ADGRV1: variants seen among roughly 807,000 people sequenced by gnomAD.
The protein encoded by ADGRV1 is adhesion G protein-coupled receptor V1.
ADGRV1 carries 359 observed loss-of-function variants against 596.2 expected under a neutral mutation model. The ratio of observed to expected loss-of-function variants is 0.60; its 90% CI spans 0.55 to 0.66. ADGRV1 has a LOEUF of 0.66. Ranked by LOEUF, ADGRV1 falls within the 30% of genes least tolerant of loss-of-function variation. ADGRV1 has a pLI of 0.00. For synonymous variants in ADGRV1, 2,681 were observed against 2,679.2 expected (o/e 1.00, Z -0.02); for missense variants, 7,274 against 7,575.6 (o/e 0.96, Z 1.48).
intron 83 of ADGRV1, among the ~76,000 whole-genome samples, chr5:90,961,912 A>ATTG (rs1393545578): frequency 6.6e-6 from 1 of 152,128 alleles, no homozygotes; most frequent in Non-Finnish European, 1.5e-5. Flanking sequence ...ATTATATTTG[A>ATTG]TTGTCATTAT....
chr5:90,672,365 T>C (rs1261626274), intron 21 of ADGRV1, among the ~76,000 whole-genome samples, 181 bp from the exon 22 acceptor site: 1 of 152,234 alleles, frequency 6.6e-6, no homozygotes, highest in Non-Finnish European at 1.5e-5. Flanking sequence ...AATGAATGAT[T>C]GTAAATATTT....
chr5:90,613,542 A>T (rs1480487065), intron 1 of ADGRV1, among the ~76,000 whole-genome samples: 1 of 152,086 alleles, frequency 6.6e-6, no homozygotes, highest in African/African-American at 2.4e-5. Context: ...ACTCTTCTTC[A>T]GATTTCATTG....
Position 91,098,127 on chromosome 5 carries a change from A to G in ADGRV1, c.18311-4092A>G, listed in dbSNP as rs933186196. 1.8e-4 allele frequency among the ~76,000 whole-genome samples: 27 copies of G among 152,238 alleles called. 1 individual carries two copies. Among genetic ancestry groups the G allele is most frequent in the African/African-American group, 6.5e-4 (27 of 41,468 alleles). On this transcript the variant is annotated intron_variant, in intron 86 of 89. Coordinates refer to ENST00000405460, the MANE Select transcript of ADGRV1 (RefSeq NM_032119.4). Reference sequence around the variant, plus strand: ...TGCTTTCTTTGGTAAATATTGAATTATAGACAGCAGAGAAGTTATTAGTAG... The same window carrying G: ...TGCTTTCTTTGGTAAATATTGAATTGTAGACAGCAGAGAAGTTATTAGTAG...
At chr5:90,690,685 C>G in intron 30 of ADGRV1, 112 bp from the exon 31 acceptor site, 1 of 1,084,108 alleles carries the variant, frequency 9.2e-7, no homozygotes, top group African/African-American at 1.6e-5. Context: ...TGGGTTATAG[C>G]TACTTAGATT....
chr5:90,825,118 G>A (rs34386817), intron 76 of ADGRV1, among the ~76,000 whole-genome samples: 5,200 of 152,136 alleles, frequency 0.034, 140 homozygotes, highest in Non-Finnish European at 0.055. Context: ...TGTATTTTTA[G>A]TAGAGACGGG....
intron 86 of ADGRV1, among the ~76,000 whole-genome samples, chr5:91,090,035 CTAAGAACTTGTTTTCA>C (rs935430606): frequency 2.0e-5 from 3 of 152,180 alleles, no homozygotes; most frequent in African/African-American, 7.2e-5. Flanking sequence ...CTCTAATCTT[CTAAGAACTTGTTTTCA>C]TAATTCCACC....
rs190820592 is a variant in ADGRV1, at chr5:90,938,535, G to A, written c.17857-26880G>A. On this transcript the variant is annotated intron_variant, in intron 83 of 89. Coordinates refer to ENST00000405460, the MANE Select transcript of ADGRV1 (RefSeq NM_032119.4). ...GTGAATACTTGTATGAAAGCTTTCT[G>A]TGATCTAGTCTGGATATGATGGTGC... Among the ~76,000 whole-genome samples the A allele has an allele frequency of 1.2e-4, 18 of 152,282 alleles. No individual in the cohort carries two copies. In the East Asian group the frequency reaches 3.3e-3, roughly 28 times the overall value.
Position 90,653,455 on chromosome 5 carries a change from C to T in ADGRV1, c.3881C>T (p.Ala1294Val). 6.2e-7 allele frequency: 1 copy of T among 1,613,932 alleles called. No homozygotes were observed. The highest frequency in any genetic ancestry group is 8.5e-7 in the Non-Finnish European group (1 of 1,179,886). ...GAAATACTGTCCAGTGAGTTCCCTG[C>T]TGGTTTGCCACCAATGATAGATTTT... ...GWEILSSEFPAGLPPMIDFLL... is the reference protein window; with the variant it reads ...GWEILSSEFPVGLPPMIDFLL... The change falls in exon 20 of 90, where the codon GCT (alanine) becomes GTT (valine). Residue 1294 changes from alanine (A) to valine (V), a missense_variant. Physicochemically the swap from Ala to Val is moderately conservative, Grantham distance 64. Transcript: ENST00000405460.
chr5:91,058,664 A>G (rs988672880), intron 85 of ADGRV1, among the ~76,000 whole-genome samples: 2 of 152,096 alleles, frequency 1.3e-5, no homozygotes, highest in Admixed American at 1.3e-4. Flanking sequence ...CTTCCTTATT[A>G]CGTGCCTCTT....
At chr5:90,790,791 A>T in intron 69 of ADGRV1, 82 bp from the exon 70 acceptor site, 5 of 879,662 alleles carry the variant, frequency 5.7e-6, no homozygotes, top group Non-Finnish European at 6.9e-6. Context: ...TTTGTATATT[A>T]TAGAGAAAAA....
rs143218163 is a variant in ADGRV1, at chr5:90,733,913, C to G, written c.10549+4149C>G. Among the ~76,000 whole-genome samples the G allele has an allele frequency of 7.8e-3, 1,192 of 152,238 alleles. 12 individuals carry two copies. The highest frequency in any genetic ancestry group is 0.011 in the Non-Finnish European group (754 of 67,990). On this transcript the variant is annotated intron_variant, in intron 50 of 89. Transcript: ENST00000405460. ...GCCAAAATTTTGTACCTTTTGACCA[C>G]CAACTTCCCATTCTCTTGCTCTTCC...
intron 59 of ADGRV1, among the ~76,000 whole-genome samples, chr5:90,767,113 G>A (rs1167829891): frequency 4.6e-5 from 7 of 152,116 alleles, no homozygotes; most frequent in African/African-American, 7.2e-5. Flanking sequence ...GCCAAGAATA[G>A]CCAGCAACTC....
intron 85 of ADGRV1, among the ~76,000 whole-genome samples, chr5:91,019,606 G>C (rs1435803768): frequency 6.6e-6 from 1 of 151,772 alleles, no homozygotes; most frequent in African/African-American, 2.4e-5. Context: ...AAATGGATAT[G>C]ATGCCACTTG....
chr5:90,908,808 A>C (rs2150678867), intron 83 of ADGRV1, among the ~76,000 whole-genome samples: 1 of 152,322 alleles, frequency 6.6e-6, no homozygotes, highest in Non-Finnish European at 1.5e-5. Context: ...AGGTGTTTGG[A>C]ATCTCTTTGG....
At chr5:91,120,124 C>G (rs1401625202) in intron 87 of ADGRV1, among the ~76,000 whole-genome samples, 1 of 152,196 alleles carries the variant, frequency 6.6e-6, no homozygotes, top group Non-Finnish European at 1.5e-5. Context: ...CTGCAAACTC[C>G]TTTGTCTACA....
intron 85 of ADGRV1, among the ~76,000 whole-genome samples, chr5:91,065,038 A>C (rs749343662): frequency 6.6e-6 from 1 of 152,242 alleles, no homozygotes; most frequent in Non-Finnish European, 1.5e-5. Context: ...GCATCTACAG[A>C]ATTAATAACA....
At chr5:90,960,474 A>T (rs1777914814) in intron 83 of ADGRV1, among the ~76,000 whole-genome samples, 1 of 152,194 alleles carries the variant, frequency 6.6e-6, no homozygotes, top group Non-Finnish European at 1.5e-5. Flanking sequence ...AATGGATAGG[A>T]TCAAATTGTT....
intron 89 of ADGRV1, among the ~76,000 whole-genome samples, chr5:91,156,310 T>C (rs1196540077): frequency 6.6e-6 from 1 of 152,056 alleles, no homozygotes; most frequent in Non-Finnish European, 1.5e-5. Flanking sequence ...TTATAGATAA[T>C]ACCAACATTT....
rs1392618729 is a variant in ADGRV1 at position 90,685,644 on chromosome 5, T to TA, written c.6275-133dup. On this transcript the variant is annotated intron_variant, in intron 28 of 89. Transcript: ENST00000405460. ...TAAATAAATAAATAAATAAATAAAA[T>TA]AAATAGTAGAGGGAAAACCCCAAAT... The TA allele has an allele frequency of 2.8e-4, 76 of 273,788 alleles. 1 individual carries two copies. The highest frequency in any genetic ancestry group is 2.1e-3 in the Middle Eastern group (2 of 968). The allele number at this position is 273,788 out of a possible 1,614,324, so 17.0% of individuals were successfully genotyped here. A position where few individuals can be genotyped will look rare whatever the true frequency, so the allele number is the denominator to read the frequency against.
Sources: allele counts gnomAD v4.1 joint callset (sites outside exome capture counted in the v4.1 genomes callset), GRCh38; gene constraint gnomAD v4.1.1; transcripts MANE v1.5; gene names NCBI Gene and HGNC (gene_info 2026-07-23, HGNC 2026-07-21).